The following KCNQ3 variants were observed in gnomAD, a reference collection of about 807,000 sequenced individuals.
KCNQ3 encodes potassium voltage-gated channel subfamily Q member 3, also known as potassium voltage-gated channel subfamily KQT member 3.
Under a neutral mutation model 92.5 loss-of-function variants are expected in KCNQ3, and 30 were observed. That is an observed-to-expected ratio of 0.32 (90% confidence interval 0.24 to 0.44). KCNQ3 has a LOEUF of 0.44. Ranked by LOEUF, KCNQ3 falls within the 20% of genes least tolerant of loss-of-function variation. The pLI is 1.00. For missense variants in KCNQ3, 913 were observed against 1,140.3 expected, an observed-to-expected ratio of 0.80 and a Z score of 2.87; for synonymous variants, 450 against 468.8, an observed-to-expected ratio of 0.96 and a Z score of 0.52.
chr8:132,362,231 T>TA (rs929842779), intron 1 of KCNQ3, among the ~76,000 whole-genome samples: 17 of 152,026 alleles, frequency 1.1e-4, no homozygotes, highest in Admixed American at 4.6e-4. Context: ...TAAACATACT[T>TA]AAAAAAAACT....
intron 1 of KCNQ3, among the ~76,000 whole-genome samples, chr8:132,206,515 C>T (rs568902548): frequency 6.6e-6 from 1 of 152,312 alleles, no homozygotes; most frequent in African/African-American, 2.4e-5. Context: ...AGACCAAGGA[C>T]ACAGTCATAT....
At chr8:132,394,528 G>T (rs540865807) in intron 1 of KCNQ3, among the ~76,000 whole-genome samples, 6 of 152,288 alleles carry the variant, frequency 3.9e-5, no homozygotes, top group African/African-American at 1.4e-4. Flanking sequence ...GGGACTTAAA[G>T]TGTGGCCATA....
At position 132,123,919 on chromosome 8, in the gene KCNQ3, A is replaced by G. The variant is rs1352541370; in HGVS notation, c.*5343T>C. 1 of 152,248 alleles carries G rather than the reference A, an allele frequency of 6.6e-6. No individual in the cohort carries two copies. Among genetic ancestry groups the G allele is most frequent in the African/African-American group, 2.4e-5 (1 of 41,462 alleles). The allele number at this position is 152,248 out of a possible 1,614,324, so 9.4% of individuals were successfully genotyped here. A position where few individuals can be genotyped will look rare whatever the true frequency, so the allele number is the denominator to read the frequency against. Reference sequence around the variant, plus strand: ...CCCAGGGAAGGTTTAAGCAAGCATTAACTCTTTCTTCTGCAAGTTCCCCCA... The same window carrying G: ...CCCAGGGAAGGTTTAAGCAAGCATTGACTCTTTCTTCTGCAAGTTCCCCCA... On this transcript the variant is annotated 3_prime_UTR_variant, in exon 15 of 15. Transcript: ENST00000388996.
intron 1 of KCNQ3, among the ~76,000 whole-genome samples, chr8:132,244,706 A>G (rs1815104513): frequency 1.3e-5 from 2 of 152,184 alleles, no homozygotes; most frequent in Non-Finnish European, 2.9e-5. Flanking sequence ...AGGATCTCCA[A>G]TTCAAGTCCA....
At chr8:132,277,924 T>C in intron 1 of KCNQ3, 1 of 984,792 alleles carries the variant, frequency 1.0e-6, no homozygotes, top group Non-Finnish European at 1.2e-6. Context: ...CTCCCTCTCC[T>C]TAGCTTCTCA....
At chr8:132,456,910 GCTGA>G (rs1210452242) in intron 1 of KCNQ3, among the ~76,000 whole-genome samples, 7 of 152,174 alleles carry the variant, frequency 4.6e-5, no homozygotes, top group Non-Finnish European at 1.0e-4. Context: ...ACCGCGCCTG[GCTGA>G]CTTTCTTAAA....
intron 1 of KCNQ3, among the ~76,000 whole-genome samples, chr8:132,288,721 T>G (rs563491677): frequency 1.3e-5 from 2 of 152,188 alleles, no homozygotes; most frequent in Middle Eastern, 3.2e-3. Flanking sequence ...TATTTTGTTC[T>G]CTGGATCTTG....
chr8:132,248,537 A>G (rs1045103007), intron 1 of KCNQ3, among the ~76,000 whole-genome samples: 1 of 152,184 alleles, frequency 6.6e-6, no homozygotes, highest in Non-Finnish European at 1.5e-5. Context: ...GAATTTCCCA[A>G]TTTAACACAA....
intron 1 of KCNQ3, among the ~76,000 whole-genome samples, chr8:132,365,008 C>A (rs1275481764): frequency 3.9e-5 from 6 of 152,142 alleles, no homozygotes; most frequent in Non-Finnish European, 4.4e-5. Flanking sequence ...CCACCTTCAT[C>A]TGGTGACAGA....
intron 1 of KCNQ3, among the ~76,000 whole-genome samples, chr8:132,434,207 CAAAAAA>C (rs546958236): frequency 1.5e-5 from 2 of 130,750 alleles, no homozygotes; most frequent in Non-Finnish European, 1.6e-5. Context: ...GACTCCGTCT[CAAAAAA>C]AAAAAAAAAA....
At chr8:132,167,946 G>A (rs1314314269) in intron 8 of KCNQ3, among the ~76,000 whole-genome samples, 3 of 152,320 alleles carry the variant, frequency 2.0e-5, no homozygotes, top group Non-Finnish European at 4.4e-5. Flanking sequence ...AGAAGACTCT[G>A]CTTTATGCTA....
chr8:132,355,984 G>A (rs945375272), intron 1 of KCNQ3, among the ~76,000 whole-genome samples: 2 of 152,168 alleles, frequency 1.3e-5, no homozygotes, highest in Non-Finnish European at 2.9e-5. Context: ...GGTAAACATG[G>A]CTTTGAGGCC....
At chr8:132,278,907 G>T (rs573288009) in intron 1 of KCNQ3, among the ~76,000 whole-genome samples, 1 of 152,082 alleles carries the variant, frequency 6.6e-6, no homozygotes, top group Non-Finnish European at 1.5e-5. Flanking sequence ...AGTATCAGTA[G>T]AGGGGCTTCA....
intron 1 of KCNQ3, among the ~76,000 whole-genome samples, chr8:132,360,085 T>C (rs1276217601): frequency 6.6e-6 from 1 of 152,208 alleles, no homozygotes; most frequent in African/African-American, 2.4e-5. Flanking sequence ...TTTAGGACTC[T>C]ACAGCACAGC....
intron 1 of KCNQ3, among the ~76,000 whole-genome samples, chr8:132,414,989 T>C (rs540719470): frequency 6.6e-6 from 1 of 152,338 alleles, no homozygotes; most frequent in South Asian, 2.1e-4. Flanking sequence ...TGCTGTCAGC[T>C]GTGTTAGAGA....
At chr8:132,430,367 A>G (rs540187142) in intron 1 of KCNQ3, among the ~76,000 whole-genome samples, 4 of 152,340 alleles carry the variant, frequency 2.6e-5, no homozygotes, top group African/African-American at 9.6e-5. Context: ...AAGTGACCAA[A>G]CCAAGCATTT....
intron 1 of KCNQ3, among the ~76,000 whole-genome samples, chr8:132,304,596 C>T (rs188333462): frequency 6.6e-6 from 1 of 152,188 alleles, no homozygotes; most frequent in Admixed American, 6.5e-5. Context: ...TTTTAAGGTC[C>T]AATTCCTTAT....
At chr8:132,180,429 G>T in intron 3 of KCNQ3, 100 bp from the exon 4 acceptor site, 1 of 1,252,354 alleles carries the variant, frequency 8.0e-7, no homozygotes. Context: ...AGATCAGCAT[G>T]TGCCAAGCAG....
At chr8:132,237,086 G>T (rs183857423) in intron 1 of KCNQ3, among the ~76,000 whole-genome samples, 1 of 152,190 alleles carries the variant, frequency 6.6e-6, no homozygotes, top group Admixed American at 6.5e-5. Flanking sequence ...ATCTAGCAAT[G>T]TTATCCCCAG....
Sources: allele counts gnomAD v4.1 joint callset (sites outside exome capture counted in the v4.1 genomes callset), GRCh38; gene constraint gnomAD v4.1.1; transcripts MANE v1.5; gene names NCBI Gene and HGNC (gene_info 2026-07-23, HGNC 2026-07-21).